Variants in TSPAN18 observed in about 807,000 individuals in gnomAD.
TSPAN18 encodes the protein tetraspanin 18, also known as tetraspanin-18.
TSPAN18 carries 14 observed loss-of-function variants against 27.3 expected under a neutral mutation model. The ratio of observed to expected loss-of-function variants is 0.51; its 90% CI spans 0.34 to 0.80. TSPAN18 has a LOEUF of 0.80. Among genes scored for constraint, TSPAN18 ranks in the 30% least tolerant of loss-of-function variants. The pLI, the probability that TSPAN18 is intolerant of heterozygous loss-of-function variation, is 0.01. For synonymous variants in TSPAN18, 143 were observed against 136.5 expected (o/e 1.05, Z -0.33); for missense variants, 268 against 323.9 (o/e 0.83, Z 1.32).
chr11:44,836,566 C>T (rs192223811), intron 2 of TSPAN18, among the ~76,000 whole-genome samples: 36 of 152,238 alleles, frequency 2.4e-4, no homozygotes, highest in Admixed American at 5.2e-4. Flanking sequence ...ATGCAGGTGG[C>T]GGCGATACAA....
chr11:44,831,057 G>A (rs1302417496), intron 2 of TSPAN18, among the ~76,000 whole-genome samples: 1 of 152,134 alleles, frequency 6.6e-6, no homozygotes, highest in Non-Finnish European at 1.5e-5. Context: ...AAGTTGCAGT[G>A]AGCTGAGATC....
intron 2 of TSPAN18, among the ~76,000 whole-genome samples, chr11:44,845,787 A>G (rs1489136295): frequency 6.6e-6 from 1 of 152,178 alleles, no homozygotes; most frequent in Non-Finnish European, 1.5e-5. Flanking sequence ...CGTCTCCTTG[A>G]CACTCTCCAG....
At chr11:44,862,152 G>A (rs1269916350) in intron 3 of TSPAN18, among the ~76,000 whole-genome samples, 5 of 152,206 alleles carry the variant, frequency 3.3e-5, no homozygotes, top group Non-Finnish European at 1.5e-5. Context: ...GGGGAGCAGA[G>A]GGGGACGGGC....
At chr11:44,774,145 A>C (rs1855751975) in intron 2 of TSPAN18, among the ~76,000 whole-genome samples, 2 of 152,214 alleles carry the variant, frequency 1.3e-5, no homozygotes, top group Admixed American at 1.3e-4. Flanking sequence ...GAGTCTCTTC[A>C]GTAGGAAAGG....
intron 2 of TSPAN18, among the ~76,000 whole-genome samples, chr11:44,792,942 C>T (rs956531074): frequency 1.3e-5 from 2 of 152,104 alleles, no homozygotes; most frequent in African/African-American, 2.4e-5. Flanking sequence ...TCCTGCAAGG[C>T]GTCTCGTGTG....
chr11:44,883,775 C>A (rs1056953024), intron 3 of TSPAN18, among the ~76,000 whole-genome samples: 1 of 152,242 alleles, frequency 6.6e-6, no homozygotes, highest in African/African-American at 2.4e-5. Flanking sequence ...GACTTGGACA[C>A]CTCTGAGCCC....
rs1056371932 is a variant in TSPAN18, at chr11:44,931,263, C to T, written c.*2085C>T. 1.8e-5 allele frequency: 5 copies of T among 281,898 alleles called. No individual in the cohort carries two copies. The highest frequency in any genetic ancestry group is 8.9e-5 in the African/African-American group (4 of 45,000). The allele number at this position is 281,898 out of a possible 1,614,324, so 17.5% of individuals were successfully genotyped here. Reference sequence around the variant, plus strand: ...GGGCCTGGGGGCTGCCCCTCTTGAACCACCCACATGCTTAGCCCCAGCTTT... The same window carrying T: ...GGGCCTGGGGGCTGCCCCTCTTGAATCACCCACATGCTTAGCCCCAGCTTT... On this transcript the variant is annotated 3_prime_UTR_variant, in exon 10 of 10. Transcript: ENST00000520358.
At chr11:44,827,570 C>G (rs1857070279) in intron 2 of TSPAN18, among the ~76,000 whole-genome samples, 1 of 152,130 alleles carries the variant, frequency 6.6e-6, no homozygotes, top group African/African-American at 2.4e-5. Flanking sequence ...GGGGACATAT[C>G]CCACCCTGGG....
intron 3 of TSPAN18, among the ~76,000 whole-genome samples, chr11:44,884,471 G>A (rs750101721): frequency 5.9e-5 from 9 of 152,198 alleles, no homozygotes; most frequent in African/African-American, 1.4e-4. Flanking sequence ...CTCGATGGGC[G>A]ATCAGCTCGA....
rs554690631 is a variant in TSPAN18 at position 44,919,897 on chromosome 11, G to T, written c.513G>T (p.Glu171Asp). The T allele has an allele frequency of 3.6e-5, 58 of 1,614,246 alleles. 2 individuals are homozygous for T. The South Asian group carries it at 6.0e-4, about 17-fold the overall frequency. Reference sequence around the variant, plus strand: ...GACTCCTGACCCTGGATAGTGAAGAGGTGCCGGAGGCCTGCTGCCGGAGGG... The same window carrying T: ...GACTCCTGACCCTGGATAGTGAAGATGTGCCGGAGGCCTGCTGCCGGAGGG... ...VFRLLTLDSE[E>D]VPEACCRREP... Residue 171 changes from glutamate to aspartate, a missense_variant, in exon 8 of 10, where the codon GAG (glutamate) becomes GAT (aspartate). Glu to Asp is a conservative substitution (Grantham distance 45). Coordinates refer to ENST00000520358, the MANE Select transcript of TSPAN18 (RefSeq NM_130783.5).
intron 2 of TSPAN18, among the ~76,000 whole-genome samples, chr11:44,779,695 T>C (rs747320595): frequency 1.3e-5 from 2 of 152,044 alleles, no homozygotes; most frequent in Non-Finnish European, 2.9e-5. Flanking sequence ...CTGGCACACA[T>C]ACCTGCATAC....
chr11:44,900,376 C>T (rs1298621744), intron 3 of TSPAN18, among the ~76,000 whole-genome samples: 1 of 152,224 alleles, frequency 6.6e-6, no homozygotes, highest in East Asian at 1.9e-4. Flanking sequence ...AGGGAATTCT[C>T]ATTCATTGAG....
intron 2 of TSPAN18, among the ~76,000 whole-genome samples, chr11:44,827,724 T>C (rs16938094): frequency 0.11 from 17,478 of 152,196 alleles, 1,067 homozygotes; most frequent in Middle Eastern, 0.2. Flanking sequence ...TATCTTTCCA[T>C]GTGGGAAGCT....
chr11:44,729,182 G>A (rs1260580861), intron 1 of TSPAN18, among the ~76,000 whole-genome samples: 1 of 152,240 alleles, frequency 6.6e-6, no homozygotes, highest in African/African-American at 2.4e-5. Flanking sequence ...GAGGAGAGAG[G>A]AGAGAAAGGA....
chr11:44,871,196 G>C (rs1858183862), intron 3 of TSPAN18, among the ~76,000 whole-genome samples: 1 of 152,152 alleles, frequency 6.6e-6, no homozygotes, highest in African/African-American at 2.4e-5. Flanking sequence ...CCATAGACTA[G>C]GTGGATTAAA....
intron 1 of TSPAN18, among the ~76,000 whole-genome samples, chr11:44,755,240 C>G (rs1454248368): frequency 2.0e-5 from 3 of 152,056 alleles, no homozygotes; most frequent in African/African-American, 7.2e-5. Flanking sequence ...TGCCCAGAGC[C>G]TGCTGCACTG....
At chr11:44,828,786 C>T (rs1857096780) in intron 2 of TSPAN18, among the ~76,000 whole-genome samples, 1 of 152,208 alleles carries the variant, frequency 6.6e-6, no homozygotes, top group South Asian at 2.1e-4. Context: ...AGGGAATCCT[C>T]CCTGACTCTC....
intron 1 of TSPAN18, among the ~76,000 whole-genome samples, chr11:44,739,615 C>T (rs1007699484): frequency 3.3e-5 from 5 of 152,102 alleles, no homozygotes; most frequent in African/African-American, 9.7e-5. Flanking sequence ...CAGAGCCAGG[C>T]GAGACTCCGT....
chr11:44,860,634 T>C (rs1590594454), intron 3 of TSPAN18, among the ~76,000 whole-genome samples, 165 bp downstream of exon 3: 1 of 152,078 alleles, frequency 6.6e-6, no homozygotes, highest in African/African-American at 2.4e-5. Flanking sequence ...TAGTAAGGGG[T>C]GCAGATAGTG....
Sources: allele counts gnomAD v4.1 joint callset (sites outside exome capture counted in the v4.1 genomes callset), GRCh38; gene constraint gnomAD v4.1.1; transcripts MANE v1.5; gene names NCBI Gene and HGNC (gene_info 2026-07-23, HGNC 2026-07-21).